MDGA2: variants seen among roughly 807,000 people sequenced by gnomAD.
MDGA2 encodes MAM domain-containing glycosylphosphatidylinositol anchor protein 2.
MDGA2 carries 40 observed loss-of-function variants against 117.8 expected under a neutral mutation model. That is an observed-to-expected ratio of 0.34 (90% CI 0.26 to 0.44). MDGA2 has a LOEUF of 0.44. MDGA2 is among the 20% of genes least tolerant of loss of function. The probability of loss-of-function intolerance (pLI) is 1.00; values close to 1 mark genes in which losing one functional copy is unlikely to be tolerated. For missense variants in MDGA2, 1,123 were observed against 1,250.6 expected, an observed-to-expected ratio of 0.90 and a Z score of 1.54; for synonymous variants, 452 against 439.0, an observed-to-expected ratio of 1.03 and a Z score of -0.37.
intron 8 of MDGA2, among the ~76,000 whole-genome samples, chr14:46,975,727 A>T (rs1025157073): frequency 8.5e-5 from 13 of 152,164 alleles, no homozygotes; most frequent in African/African-American, 2.9e-4. Context: ...CTATTAAAAA[A>T]TACCATAAAT....
At chr14:47,650,301 A>T (rs544117663) in intron 1 of MDGA2, among the ~76,000 whole-genome samples, 7 of 152,250 alleles carry the variant, frequency 4.6e-5, no homozygotes, top group South Asian at 2.1e-4. Context: ...CTTGGGACTT[A>T]TCAGCCCCCA....
chr14:46,869,778 G>C (rs1482559613), intron 14 of MDGA2, among the ~76,000 whole-genome samples: 1 of 151,858 alleles, frequency 6.6e-6, no homozygotes, highest in Non-Finnish European at 1.5e-5. Context: ...TCTTCTTAAT[G>C]GATTACTTGC....
rs1882482598 is a variant in MDGA2, at chr14:46,882,088, T to C, written c.2372A>G (p.Lys791Arg). 4.3e-6 allele frequency: 7 copies of C among 1,610,994 alleles called. No homozygotes were observed. Among genetic ancestry groups the C allele is most frequent in the Non-Finnish European group, 5.9e-6 (7 of 1,178,132 alleles). The change falls in exon 11 of 17, where the codon AAA (lysine) becomes AGA (arginine). Residue 791 changes from lysine to arginine, a missense_variant. By Grantham distance (26) the Lys-to-Arg change is conservative. This residue lies in a region of MDGA2 where 890 missense variants were observed against 1,050.3 expected (regional missense o/e 0.85). Coordinates refer to ENST00000399232, the MANE Select transcript of MDGA2 (RefSeq NM_001113498.3). ...AYEVRLTPLT[K>R]FGEGDSTIRV... ...AATTGTTGAATCTCCTTCACCAAAT[T>C]TGGTGAGAGGAGTCAGTCGGACTTC...
chr14:47,374,169 A>C (rs1175342104), intron 1 of MDGA2, among the ~76,000 whole-genome samples: 1 of 152,146 alleles, frequency 6.6e-6, no homozygotes, highest in African/African-American at 2.4e-5. Context: ...ATGACTATGT[A>C]GTTTAAATAT....
intron 1 of MDGA2, among the ~76,000 whole-genome samples, chr14:47,605,373 T>C (rs548765603): frequency 1.3e-5 from 2 of 152,336 alleles, no homozygotes; most frequent in South Asian, 2.1e-4. Context: ...CTTTTTATTA[T>C]AGCTACAAGG....
At position 47,612,209 on chromosome 14, in the gene MDGA2, C is replaced by CAGATAGATAGAT. The variant is rs3985115; in HGVS notation, c.280+62296_280+62307dup. On this transcript the variant is annotated intron_variant, in intron 1 of 16. Coordinates refer to ENST00000399232, the MANE Select transcript of MDGA2 (RefSeq NM_001113498.3). ...CAAATGTGATAGATAGATAGATAGA[C>CAGATAGATAGAT]AGATAGATAGATAGATAGATAGATA... Among the ~76,000 whole-genome samples, 1,207 of 145,800 alleles carry CAGATAGATAGAT rather than the reference C, an allele frequency of 8.3e-3. 7 individuals carry two copies. Among genetic ancestry groups the CAGATAGATAGAT allele is most frequent in the Non-Finnish European group, 9.9e-3 (654 of 66,236 alleles).
At chr14:46,873,210 C>T (rs1882086006) in intron 14 of MDGA2, 1 of 422,820 alleles carries the variant, frequency 2.4e-6, no homozygotes. Flanking sequence ...ATTTAGGATT[C>T]CAAAGGGAGG....
chr14:47,353,478 G>C (rs931223976), intron 1 of MDGA2, among the ~76,000 whole-genome samples: 2 of 152,072 alleles, frequency 1.3e-5, no homozygotes, highest in African/African-American at 4.8e-5. Flanking sequence ...CTCAAAATTT[G>C]TATGTTGAAG....
At chr14:47,178,352 G>T (rs906171482) in intron 3 of MDGA2, among the ~76,000 whole-genome samples, 11 of 152,094 alleles carry the variant, frequency 7.2e-5, no homozygotes, top group African/African-American at 4.8e-5. Flanking sequence ...GGGCCACAAG[G>T]CTGACATCAG....
At chr14:47,414,159 T>C (rs982084774) in intron 1 of MDGA2, among the ~76,000 whole-genome samples, 1 of 152,192 alleles carries the variant, frequency 6.6e-6, no homozygotes, top group Non-Finnish European at 1.5e-5. Context: ...AATTGAGTTA[T>C]AGCCCTAGAC....
intron 1 of MDGA2, among the ~76,000 whole-genome samples, chr14:47,325,847 T>C (rs934601302): frequency 6.6e-6 from 1 of 152,146 alleles, no homozygotes; most frequent in Non-Finnish European, 1.5e-5. Context: ...TAGTTGGTTT[T>C]AGATAAAATT....
At chr14:47,208,623 T>A (rs111982620) in intron 3 of MDGA2, among the ~76,000 whole-genome samples, 2,234 of 151,400 alleles carry the variant, frequency 0.015, 62 homozygotes, top group African/African-American at 0.052. Context: ...GAGGGCTCCA[T>A]GAACCGCCTG....
At chr14:46,865,148 A>G (rs1011805417) in intron 14 of MDGA2, among the ~76,000 whole-genome samples, 3 of 152,142 alleles carry the variant, frequency 2.0e-5, no homozygotes, top group African/African-American at 7.2e-5. Context: ...ATAAAAATCA[A>G]ACTCATAAAA....
intron 1 of MDGA2, among the ~76,000 whole-genome samples, chr14:47,586,677 C>G (rs1896330807): frequency 6.6e-6 from 1 of 151,846 alleles, no homozygotes; most frequent in Non-Finnish European, 1.5e-5. Context: ...TAGGGTATGT[C>G]TGTCCCCAAG....
intron 6 of MDGA2, among the ~76,000 whole-genome samples, chr14:47,073,121 T>A (rs1408685485): frequency 6.6e-6 from 1 of 152,174 alleles, no homozygotes; most frequent in East Asian, 1.9e-4. Flanking sequence ...CACCTTAAAG[T>A]CAACCTTCTT....
At chr14:47,074,980 CT>C (rs567464853) in intron 6 of MDGA2, among the ~76,000 whole-genome samples, 15 of 152,020 alleles carry the variant, frequency 9.9e-5, no homozygotes, top group Admixed American at 5.2e-4. Flanking sequence ...TATGTCTGAT[CT>C]TTTTTTTCCT....
At chr14:47,070,873 G>T (rs1401374664) in intron 6 of MDGA2, among the ~76,000 whole-genome samples, 2 of 152,234 alleles carry the variant, frequency 1.3e-5, no homozygotes, top group African/African-American at 2.4e-5. Context: ...CTTCCGAAGT[G>T]CTGGGATTAC....
At chr14:47,209,037 G>T (rs562392303) in intron 3 of MDGA2, among the ~76,000 whole-genome samples, 17 of 151,824 alleles carry the variant, frequency 1.1e-4, no homozygotes, top group Non-Finnish European at 2.5e-4. Flanking sequence ...GCACACTGAT[G>T]TAATGATTAT....
At chr14:47,200,330 T>G (rs1299163715) in intron 3 of MDGA2, among the ~76,000 whole-genome samples, 1 of 151,970 alleles carries the variant, frequency 6.6e-6, no homozygotes, top group Admixed American at 6.6e-5. Flanking sequence ...ATTAGAAATA[T>G]TTATTGAAGA....
Sources: allele counts gnomAD v4.1 joint callset (sites outside exome capture counted in the v4.1 genomes callset), GRCh38; gene constraint gnomAD v4.1.1; regional missense constraint gnomAD v4.1.1; transcripts MANE v1.5; gene names NCBI Gene and HGNC (gene_info 2026-07-23, HGNC 2026-07-21).